Variants in FUT8 observed in about 807,000 individuals in gnomAD.
FUT8 encodes alpha-(1,6)-fucosyltransferase.
In FUT8, 29 loss-of-function variants were observed where a neutral mutation model predicts 71.3. The observed-to-expected ratio is 0.41, with a 90% confidence interval of 0.30 to 0.55. The LOEUF (loss-of-function observed/expected upper bound fraction) is 0.55, where lower values mean the gene tolerates loss of function less well. Ranked by LOEUF, FUT8 falls within the 20% of genes least tolerant of loss-of-function variation. FUT8 has a pLI of 0.34. For missense variants in FUT8, 544 were observed against 702.1 expected (o/e 0.77, Z 2.55); for synonymous variants, 254 against 239.3 (o/e 1.06, Z -0.57).
chr14:65,629,514 T>C lies in FUT8; in HGVS notation c.505T>C (p.Tyr169His), dbSNP rs1890065373. The change falls in exon 6 of 11, where the codon TAC becomes CAC. Residue 169 changes from tyrosine to histidine, a missense_variant. By Grantham distance (83) the Tyr-to-His change is moderately conservative (BLOSUM62 2). Transcript: ENST00000673929. ...HERSIMTDLY[Y>H]LSQTDGAGDW... Reference sequence around the variant, plus strand: ...CAGGTCTATAATGACGGATCTATACTACCTCAGTCAGACAGATGGAGCAGG... The same window carrying C: ...CAGGTCTATAATGACGGATCTATACCACCTCAGTCAGACAGATGGAGCAGG... 3.1e-6 allele frequency: 5 copies of C among 1,613,596 alleles called. No homozygotes were observed. The highest frequency in any genetic ancestry group is 2.7e-5 in the African/African-American group (2 of 75,032).
chr14:65,430,042 CAG>C (rs1356371489), intron 1 of FUT8, among the ~76,000 whole-genome samples: 1 of 149,128 alleles, frequency 6.7e-6, no homozygotes, highest in Non-Finnish European at 1.5e-5. Flanking sequence ...TTTTTTGAGA[CAG>C]GGTATCACTC....
At position 65,483,089 on chromosome 14, in the gene FUT8, A is replaced by G. The variant is rs1280513520; in HGVS notation, c.-228+27371A>G. Among the ~76,000 whole-genome samples, 1 of 152,194 alleles carries G rather than the reference A, an allele frequency of 6.6e-6. No homozygotes were observed. Among genetic ancestry groups the G allele is most frequent in the East Asian group, 1.9e-4 (1 of 5,190 alleles). ...TGTAACAGAGTATCTTTGGTGGGACACTTCTGTGTGAAGAGATTTTACTAG... is the reference window on the plus strand; with the variant it reads ...TGTAACAGAGTATCTTTGGTGGGACGCTTCTGTGTGAAGAGATTTTACTAG... On this transcript the variant is annotated intron_variant, in intron 2 of 10. Transcript: ENST00000673929. This position sits in a 1 kb window ranked among gnomAD's most constrained non-coding sequence, Gnocchi z 4.4.
chr14:65,635,145 C>T (rs552588757), intron 6 of FUT8, among the ~76,000 whole-genome samples: 5 of 152,054 alleles, frequency 3.3e-5, no homozygotes, highest in African/African-American at 7.2e-5. Flanking sequence ...TCTGCTTGGT[C>T]GCTGTTGGTG....
At chr14:65,522,322 T>G (rs1219128430) in intron 2 of FUT8, among the ~76,000 whole-genome samples, 1 of 152,198 alleles carries the variant, frequency 6.6e-6, no homozygotes, top group Non-Finnish European at 1.5e-5. Flanking sequence ...ATTTTCTCAT[T>G]AATCTTCTAA....
the FUT8 span, among the ~76,000 whole-genome samples, chr14:65,364,911 G>A: frequency 6.6e-6 from 1 of 152,090 alleles, no homozygotes; most frequent in Admixed American, 6.6e-5. Flanking sequence ...TCTTCTCTGT[G>A]AGCCGGGGCT....
chr14:65,570,477 CA>C (rs2140076842), intron 3 of FUT8, among the ~76,000 whole-genome samples: 1 of 151,980 alleles, frequency 6.6e-6, no homozygotes, highest in African/African-American at 2.4e-5. Flanking sequence ...TAGGGTTTGC[CA>C]TGTTATACTG....
upstream of FUT8, among the ~76,000 whole-genome samples, chr14:65,409,026 G>A (rs1402033397): frequency 3.3e-5 from 5 of 152,060 alleles, no homozygotes; most frequent in Admixed American, 3.3e-4. The surrounding 1 kb of genome is among the most constrained non-coding windows in gnomAD (Gnocchi z 5.4). Flanking sequence ...GGTGTGTCAA[G>A]TTGGCTAGAT....
chr14:65,677,152 G>GTGTGTGTGCGTGCGCGCGCGCGCGCA, intron 7 of FUT8, among the ~76,000 whole-genome samples: 1 of 59,546 alleles, frequency 1.7e-5, no homozygotes, highest in South Asian at 4.2e-4. Flanking sequence ...GTGTGTGTGT[G>GTGTGTGTGCGTGCGCGCGCGCGCGCA]CGCGCGCGCA....
At chr14:65,593,181 T>G (rs947908782) in intron 3 of FUT8, among the ~76,000 whole-genome samples, 2 of 152,210 alleles carry the variant, frequency 1.3e-5, no homozygotes, top group Non-Finnish European at 2.9e-5. Context: ...ATTATTTCCT[T>G]GAATCACTGT....
intron 7 of FUT8, among the ~76,000 whole-genome samples, chr14:65,692,360 G>T (rs1893671412): frequency 6.9e-6 from 1 of 144,882 alleles, no homozygotes; most frequent in Admixed American, 6.8e-5. Context: ...GCGGGGGGCT[G>T]ACCCCCCCAC....
intron 10 of FUT8, among the ~76,000 whole-genome samples, chr14:65,740,399 C>G (rs915436109): frequency 7.9e-5 from 12 of 151,960 alleles, no homozygotes; most frequent in Admixed American, 3.9e-4. Flanking sequence ...TTCTGAAATT[C>G]AGATTCTCTA....
intron 3 of FUT8, among the ~76,000 whole-genome samples, chr14:65,592,472 A>G (rs763358308): frequency 6.6e-6 from 1 of 152,018 alleles, no homozygotes. Context: ...ATCTATCTGT[A>G]TTAGATAGAT....
At chr14:65,528,184 C>T (rs547574733) in intron 2 of FUT8, among the ~76,000 whole-genome samples, 20 of 152,352 alleles carry the variant, frequency 1.3e-4, no homozygotes, top group East Asian at 1.9e-4. Context: ...CCTTGAGCTG[C>T]GGTGGACTCC....
chr14:65,578,328 C>T (rs1763681950), intron 3 of FUT8, among the ~76,000 whole-genome samples: 1 of 152,154 alleles, frequency 6.6e-6, no homozygotes, highest in Admixed American at 6.5e-5. Context: ...ATAGATGACA[C>T]ATCTGCTACA....
chr14:65,379,658 A>C, the FUT8 span, among the ~76,000 whole-genome samples: 1 of 152,210 alleles, frequency 6.6e-6, no homozygotes, highest in Non-Finnish European at 1.5e-5. Context: ...GGGTTCAAGA[A>C]AAGGGGGCCT....
chr14:65,526,718 G>A (rs1883495988), intron 2 of FUT8, among the ~76,000 whole-genome samples: 1 of 152,166 alleles, frequency 6.6e-6, no homozygotes, highest in Non-Finnish European at 1.5e-5. Context: ...TCCTTTCCAT[G>A]TTTAGTGCTT....
rs190139609 is a variant in FUT8 at position 65,562,491 on chromosome 14, T to A, written c.203+725T>A. Among the ~76,000 whole-genome samples the A allele has an allele frequency of 2.8e-3, 428 of 152,200 alleles. 2 individuals are homozygous for A. The highest frequency in any genetic ancestry group is 9.8e-3 in the African/African-American group (407 of 41,534). Reference sequence around the variant, plus strand: ...GGCATCAACTGTTTGAAAACCAAAGTCTCCTATATATTTTCAGGGAGCAAG... The same window carrying A: ...GGCATCAACTGTTTGAAAACCAAAGACTCCTATATATTTTCAGGGAGCAAG... On this transcript the variant is annotated intron_variant, in intron 3 of 10. Coordinates refer to ENST00000673929, the MANE Select transcript of FUT8 (RefSeq NM_001371533.1).
intron 6 of FUT8, among the ~76,000 whole-genome samples, chr14:65,639,501 C>T (rs1419725898): frequency 8.9e-6 from 1 of 112,456 alleles, no homozygotes; most frequent in African/African-American, 3.0e-5. Flanking sequence ...GTATTGTCTT[C>T]AAATCCAGAC....
the FUT8 span, among the ~76,000 whole-genome samples, chr14:65,393,569 A>G: frequency 6.6e-6 from 1 of 152,114 alleles, no homozygotes; most frequent in African/African-American, 2.4e-5. Context: ...GACCATGTTA[A>G]AGATTTGAGT....
Sources: gnomAD v4.1 joint callset for allele counts (sites outside exome capture counted in the v4.1 genomes callset) on GRCh38, gnomAD v4.1.1 for gene constraint, Gnocchi (gnomAD v3.1) non-coding constraint, MANE v1.5 for transcripts, NCBI Gene and HGNC (gene_info 2026-07-23, HGNC 2026-07-21) for gene names.